The following LINGO2 variants were observed in gnomAD, a reference collection of about 807,000 sequenced individuals.
LINGO2 encodes leucine-rich repeat and immunoglobulin-like domain-containing nogo receptor-interacting protein 2.
A neutral mutation model predicts 30.6 loss-of-function variants in LINGO2; 14 were observed. That is an observed-to-expected ratio of 0.46 (90% CI 0.30 to 0.72). The LOEUF (loss-of-function observed/expected upper bound fraction) is 0.72. Among genes scored for constraint, LINGO2 ranks in the 30% least tolerant of loss-of-function variants. LINGO2 has a pLI of 0.07. For synonymous variants in LINGO2, 317 were observed against 288.5 expected (o/e 1.10, Z -1.00); for missense variants, 729 against 751.7 (o/e 0.97, Z 0.35).
the LINGO2 span, among the ~76,000 whole-genome samples, chr9:29,186,981 T>C: frequency 7.2e-5 from 11 of 152,176 alleles, no homozygotes; most frequent in African/African-American, 2.7e-4. Flanking sequence ...CATTTGGTTT[T>C]TATACACACA....
chr9:28,810,912 T>G, the LINGO2 span, among the ~76,000 whole-genome samples: 1 of 152,112 alleles, frequency 6.6e-6, no homozygotes, highest in South Asian at 2.1e-4. Flanking sequence ...CTCCAGGGCT[T>G]TGTGTTTGTT....
the LINGO2 span, among the ~76,000 whole-genome samples, chr9:28,903,992 G>A: frequency 1.3e-5 from 2 of 152,006 alleles, no homozygotes; most frequent in Admixed American, 6.6e-5. Flanking sequence ...TCAATGCCAC[G>A]TTAAAAGGAA....
the LINGO2 span, among the ~76,000 whole-genome samples, chr9:29,132,795 C>A: frequency 1.3e-5 from 2 of 152,148 alleles, no homozygotes; most frequent in Admixed American, 1.3e-4. Flanking sequence ...TAAGAACCAC[C>A]ATTAGCCTAA....
intron 1 of LINGO2, among the ~76,000 whole-genome samples, chr9:28,551,728 G>A (rs1426366121): frequency 6.6e-6 from 1 of 151,920 alleles, no homozygotes; most frequent in African/African-American, 2.4e-5. Context: ...TATTTGGATG[G>A]GGAAGGGATG....
chr9:28,612,854 G>T (rs560790553), intron 1 of LINGO2, among the ~76,000 whole-genome samples: 8 of 152,170 alleles, frequency 5.3e-5, no homozygotes, highest in South Asian at 4.2e-4. Context: ...GGGGTGAAAT[G>T]ATATGGTTAG....
At chr9:27,950,856 T>G (rs1819271523) in intron 5 of LINGO2, 150 bp from the exon 7 acceptor site, 5 of 414,820 alleles carry the variant, frequency 1.2e-5, no homozygotes, top group Non-Finnish European at 1.7e-5. Context: ...GACGACCCTC[T>G]TAGTAACAGG....
At chr9:28,076,144 A>C (rs900987204) in intron 4 of LINGO2, among the ~76,000 whole-genome samples, 1 of 152,080 alleles carries the variant, frequency 6.6e-6, no homozygotes, top group East Asian at 1.9e-4. Context: ...TGGTACCACA[A>C]TTCACCCCAC....
intron 2 of LINGO2, among the ~76,000 whole-genome samples, chr9:28,426,740 T>C (rs1489588531): frequency 2.0e-5 from 3 of 152,036 alleles, no homozygotes; most frequent in Non-Finnish European, 4.4e-5. Context: ...TAGTCTAAGG[T>C]TGTTTAAAGG....
chr9:28,438,577 C>T (rs1824050980), intron 2 of LINGO2, among the ~76,000 whole-genome samples: 1 of 152,026 alleles, frequency 6.6e-6, no homozygotes, highest in African/African-American at 2.4e-5. Flanking sequence ...TTTAGGCTTC[C>T]ATGATCACAT....
At chr9:28,385,405 G>A (rs1821538238) in intron 2 of LINGO2, among the ~76,000 whole-genome samples, 1 of 152,078 alleles carries the variant, frequency 6.6e-6, no homozygotes, top group Admixed American at 6.6e-5. Context: ...TTTATATAAG[G>A]AGAACTCACA....
chr9:28,116,209 A>G (rs1826900954), intron 4 of LINGO2, among the ~76,000 whole-genome samples: 1 of 13,918 alleles, frequency 7.2e-5, no homozygotes, highest in African/African-American at 3.5e-4. Context: ...CTGGGTTGAA[A>G]ATTCTTTTCT....
At chr9:28,772,994 G>GA in the LINGO2 span, among the ~76,000 whole-genome samples, 1 of 151,952 alleles carries the variant, frequency 6.6e-6, no homozygotes, top group African/African-American at 2.4e-5. Context: ...GATGGAGTGA[G>GA]AAAATGTCAT....
the LINGO2 span, among the ~76,000 whole-genome samples, chr9:28,808,128 GCCA>G: frequency 6.6e-6 from 1 of 151,988 alleles, no homozygotes; most frequent in Non-Finnish European, 1.5e-5. Flanking sequence ...TTCTCTCAAT[GCCA>G]TTTCAGCAAT....
chr9:28,310,615 T>A (rs920297543), intron 3 of LINGO2, among the ~76,000 whole-genome samples: 13 of 152,124 alleles, frequency 8.5e-5, no homozygotes, highest in African/African-American at 1.4e-4. Context: ...AGAAAACTTG[T>A]GAGGGTGATG....
intron 3 of LINGO2, among the ~76,000 whole-genome samples, chr9:28,309,447 G>C (rs1357890520): frequency 2.0e-5 from 3 of 151,090 alleles, no homozygotes; most frequent in Non-Finnish European, 4.4e-5. Context: ...TGGCGGGAGG[G>C]GGGAGGGATA....
intron 1 of LINGO2, among the ~76,000 whole-genome samples, chr9:28,620,453 C>T (rs979367418): frequency 8.6e-5 from 13 of 152,014 alleles, no homozygotes; most frequent in African/African-American, 2.9e-4. Flanking sequence ...GATCATCACT[C>T]AGATCTAATA....
Position 28,591,240 on chromosome 9 carries a change from A to T in LINGO2, c.-365+78960T>A, listed in dbSNP as rs529471870. On this transcript the variant is annotated intron_variant, in intron 1 of 5. Transcript: ENST00000379992. ...GACTTAATGGGTGCAGCACACCAAC[A>T]TGGCACATGTATACATATGTAACAA... 4.6e-4 allele frequency among the ~76,000 whole-genome samples: 70 copies of T among 152,090 alleles called. 1 individual carries two copies. The highest frequency in any genetic ancestry group is 1.6e-3 in the African/African-American group (68 of 41,494).
chr9:28,641,669 A>G (rs1827588378), intron 1 of LINGO2, among the ~76,000 whole-genome samples: 2 of 152,204 alleles, frequency 1.3e-5, no homozygotes, highest in Admixed American at 6.5e-5. Flanking sequence ...TTCAGTTATT[A>G]TCGGAAATTT....
chr9:28,579,016 G>A (rs1450184239), intron 1 of LINGO2, among the ~76,000 whole-genome samples: 1 of 151,354 alleles, frequency 6.6e-6, no homozygotes, highest in Non-Finnish European at 1.5e-5. Flanking sequence ...ATTTATTTTT[G>A]TAAGATGTAA....
Sources: allele counts gnomAD v4.1 joint callset (sites outside exome capture counted in the v4.1 genomes callset), GRCh38; gene constraint gnomAD v4.1.1; transcripts MANE v1.5; gene names NCBI Gene and HGNC (gene_info 2026-07-23, HGNC 2026-07-21).